CNTLN: variants seen among roughly 807,000 people sequenced by gnomAD.
CNTLN encodes centlein.
Under a neutral mutation model 180.0 loss-of-function variants are expected in CNTLN, and 212 were observed. The observed-to-expected ratio is 1.18, with a 90% CI of 1.05 to 1.32. The LOEUF is 1.32. Ranked by LOEUF, CNTLN falls within the 40% of genes most tolerant of loss-of-function variation. The pLI is 0.00. For missense variants in CNTLN, 2,095 were observed against 1,610.9 expected, an observed-to-expected ratio of 1.30 and a Z score of -5.14; for synonymous variants, 722 against 563.1, an observed-to-expected ratio of 1.28 and a Z score of -3.99.
intron 5 of CNTLN, among the ~76,000 whole-genome samples, chr9:17,245,169 A>T (rs1284400623): frequency 6.6e-6 from 1 of 152,050 alleles, no homozygotes; most frequent in Non-Finnish European, 1.5e-5. Flanking sequence ...CTTATTGCTT[A>T]TTAATGTTGT....
At chr9:17,183,188 AT>A (rs1260927473) in intron 2 of CNTLN, among the ~76,000 whole-genome samples, 1 of 152,104 alleles carries the variant, frequency 6.6e-6, no homozygotes, top group East Asian at 1.9e-4. Context: ...TCATTTACAT[AT>A]TTTTTTGAGG....
At chr9:17,270,843 T>C (rs1827884092) in intron 5 of CNTLN, among the ~76,000 whole-genome samples, 1 of 152,002 alleles carries the variant, frequency 6.6e-6, no homozygotes, top group African/African-American at 2.4e-5. Context: ...GAATGTGTAA[T>C]ATAGTCGCAT....
chr9:17,466,615 T>A, intron 22 of CNTLN, 91 bp from the exon 23 acceptor site: 1 of 981,108 alleles, frequency 1.0e-6, no homozygotes, highest in East Asian at 2.7e-5. Flanking sequence ...GAGAGAATAA[T>A]AAAATATTTT....
chr9:17,246,155 G>C (rs1241097104), intron 5 of CNTLN, among the ~76,000 whole-genome samples: 1 of 152,024 alleles, frequency 6.6e-6, no homozygotes, highest in Non-Finnish European at 1.5e-5. Context: ...TTACAGTCTG[G>C]GATTGTTTGT....
At chr9:17,185,619 A>G (rs1034226468) in intron 2 of CNTLN, among the ~76,000 whole-genome samples, 3 of 152,274 alleles carry the variant, frequency 2.0e-5, no homozygotes, top group Non-Finnish European at 4.4e-5. Flanking sequence ...GATCTACTAT[A>G]AGGGTTCCCC....
intron 8 of CNTLN, among the ~76,000 whole-genome samples, chr9:17,328,152 T>C (rs1033172356): frequency 6.6e-6 from 1 of 152,196 alleles, no homozygotes; most frequent in Non-Finnish European, 1.5e-5. Flanking sequence ...TGTACCCTAC[T>C]TTTCTCAGTT....
At chr9:17,449,340 A>G (rs1203008101) in intron 18 of CNTLN, among the ~76,000 whole-genome samples, 2 of 150,968 alleles carry the variant, frequency 1.3e-5, no homozygotes, top group African/African-American at 2.5e-5. Flanking sequence ...TCATTGTTCA[A>G]TTCCCACCTA....
intron 13 of CNTLN, among the ~76,000 whole-genome samples, chr9:17,369,462 T>C (rs1178298205): frequency 6.6e-6 from 1 of 152,024 alleles, no homozygotes; most frequent in East Asian, 1.9e-4. Context: ...AACAGATATG[T>C]AGCCTTTCAG....
intron 25 of CNTLN, among the ~76,000 whole-genome samples, chr9:17,497,408 C>T (rs1442817244): frequency 2.6e-5 from 4 of 152,182 alleles, no homozygotes; most frequent in African/African-American, 9.6e-5. Context: ...TTCTATCTTA[C>T]ATAACTTACC....
chr9:17,297,027 T>TTATG (rs761450288), intron 6 of CNTLN, among the ~76,000 whole-genome samples: 3 of 152,324 alleles, frequency 2.0e-5, no homozygotes, highest in Non-Finnish European at 2.9e-5. Flanking sequence ...CTTCAAAATA[T>TTATG]TATGTAAGTA....
At chr9:17,223,656 C>G (rs970635241) in intron 2 of CNTLN, among the ~76,000 whole-genome samples, 1 of 152,030 alleles carries the variant, frequency 6.6e-6, no homozygotes, top group African/African-American at 2.4e-5. Context: ...TTTTACCTGG[C>G]TGTTTCATTT....
At chr9:17,493,195 G>C (rs1448940381) in intron 25 of CNTLN, among the ~76,000 whole-genome samples, 1 of 152,092 alleles carries the variant, frequency 6.6e-6, no homozygotes, top group Admixed American at 6.6e-5. Flanking sequence ...ATGCCACTGA[G>C]TAAGTGACTT....
downstream of CNTLN, among the ~76,000 whole-genome samples, chr9:17,507,847 C>G (rs189155900): frequency 1.1e-3 from 160 of 152,286 alleles, no homozygotes; most frequent in African/African-American, 3.8e-3. Context: ...CAGACACAGT[C>G]TACAAAACCA....
In CNTLN at chr9:17,409,422, A is replaced by G. The variant is rs1282033215; in HGVS notation, c.2745A>G (p.Gln915=). ...ATCCAACAGAAGACAGCCAAACACA[A>G]GGAAAAGAAATAGTACAGACATATT... ...ESDPTEDSQT[Q]GKEIVQTYLN... The change falls in exon 16 of 26, where the codon CAA becomes CAG. Residue 915 remains glutamine, a synonymous_variant. Coordinates refer to ENST00000380647, the MANE Select transcript of CNTLN (RefSeq NM_017738.4). The G allele has an allele frequency of 1.2e-6, 2 of 1,613,074 alleles. No individual in the cohort carries two copies. Among genetic ancestry groups the G allele is most frequent in the Non-Finnish European group, 1.7e-6 (2 of 1,179,634 alleles).
chr9:17,475,645 G>C (rs1832293479), intron 23 of CNTLN, among the ~76,000 whole-genome samples: 1 of 151,900 alleles, frequency 6.6e-6, no homozygotes. Flanking sequence ...GGCCGAGGTG[G>C]GTGGATCACG....
Position 17,381,053 on chromosome 9 carries a change from G to A in CNTLN, c.1988-7109G>A, listed in dbSNP as rs139424723. 3.1e-3 allele frequency among the ~76,000 whole-genome samples: 471 copies of A among 152,242 alleles called. 5 individuals are homozygous for A. The highest frequency in any genetic ancestry group is 0.011 in the African/African-American group (450 of 41,540). On this transcript the variant is annotated intron_variant, in intron 13 of 25. Coordinates refer to ENST00000380647, the MANE Select transcript of CNTLN (RefSeq NM_017738.4). ...TATTAAATACAGCCAACAACAATTC[G>A]TACTGTCAGTGTTAGTTTCTATGGA...
chr9:17,239,529 T>G (rs998824512), intron 5 of CNTLN, among the ~76,000 whole-genome samples: 1 of 152,230 alleles, frequency 6.6e-6, no homozygotes, highest in Non-Finnish European at 1.5e-5. Flanking sequence ...ATGTCATATC[T>G]AAGAAACCAT....
intron 18 of CNTLN, among the ~76,000 whole-genome samples, chr9:17,450,081 G>A (rs1005160111): frequency 1.2e-4 from 18 of 152,290 alleles, no homozygotes; most frequent in Admixed American, 1.0e-3. Flanking sequence ...GTTATTGAGA[G>A]TAGCGTATCT....
chr9:17,359,733 A>AC (rs1564027271), intron 12 of CNTLN, among the ~76,000 whole-genome samples: 2,347 of 109,786 alleles, frequency 0.021, 226 homozygotes, highest in African/African-American at 0.073. Context: ...TACAAAAAAA[A>AC]AAAAAAAAAA....
Sources: gnomAD v4.1 joint callset for allele counts (sites outside exome capture counted in the v4.1 genomes callset) on GRCh38, gnomAD v4.1.1 for gene constraint, MANE v1.5 for transcripts, NCBI Gene and HGNC (gene_info 2026-07-23, HGNC 2026-07-21) for gene names.